Variants in PPP6R3 observed in about 807,000 individuals in gnomAD.
PPP6R3 encodes the protein protein phosphatase 6 regulatory subunit 3.
A neutral mutation model predicts 110.7 loss-of-function variants in PPP6R3; 38 were observed. That is an observed-to-expected ratio of 0.34 (90% CI 0.26 to 0.45). The LOEUF is 0.45. Among genes scored for constraint, PPP6R3 ranks in the 20% least tolerant of loss-of-function variants. PPP6R3 has a pLI of 1.00. For missense variants in PPP6R3, 870 were observed against 1,062.4 expected (o/e 0.82, Z 2.52); for synonymous variants, 369 against 373.5 (o/e 0.99, Z 0.14).
intron 14 of PPP6R3, among the ~76,000 whole-genome samples, chr11:68,581,275 A>G (rs2099553364): frequency 6.6e-6 from 1 of 152,244 alleles, no homozygotes; most frequent in African/African-American, 2.4e-5. Context: ...TTTAAGTAGA[A>G]CATGCGAAGG....
At chr11:68,466,437 T>C (rs866350951) in intron 1 of PPP6R3, among the ~76,000 whole-genome samples, 42 of 148,004 alleles carry the variant, frequency 2.8e-4, no homozygotes, top group East Asian at 1.2e-3. Flanking sequence ...CATTTTCTTT[T>C]TTTTTTTTTT....
At chr11:68,504,513 G>A (rs2099064967) in intron 1 of PPP6R3, among the ~76,000 whole-genome samples, 1 of 152,110 alleles carries the variant, frequency 6.6e-6, no homozygotes, top group African/African-American at 2.4e-5. Flanking sequence ...CATAGGAAAG[G>A]ATATCTTACA....
At chr11:68,541,831 G>C (rs746209853) in intron 3 of PPP6R3, among the ~76,000 whole-genome samples, 60 of 152,062 alleles carry the variant, frequency 3.9e-4, no homozygotes, top group Admixed American at 2.2e-3. Context: ...CAGGAAGGAG[G>C]GGGGACAGTG....
intron 7 of PPP6R3, among the ~76,000 whole-genome samples, chr11:68,557,124 A>G (rs913814888): frequency 2.0e-5 from 3 of 152,248 alleles, no homozygotes; most frequent in African/African-American, 7.2e-5. Context: ...AAAGAAAAAC[A>G]TATTTATTTT....
chr11:68,519,481 CTT>C lies in PPP6R3; in HGVS notation c.-157-11_-157-10del. The C allele has an allele frequency of 5.7e-6, 2 of 348,566 alleles. No homozygotes were observed. The highest frequency in any genetic ancestry group is 5.1e-6 in the Non-Finnish European group (1 of 194,820). The allele number at this position is 348,566 out of a possible 1,614,324, so 21.6% of individuals were successfully genotyped here. On this transcript the variant is annotated intron_variant, in intron 1 of 23. Coordinates refer to ENST00000393800, the MANE Select transcript of PPP6R3 (RefSeq NM_001164161.2). ...AAAAGAGAACATATGTGATTATCTG[CTT>C]TTTTTTTTCTTTTACAGGAGAGCTT...
intron 1 of PPP6R3, among the ~76,000 whole-genome samples, chr11:68,491,538 A>T (rs2098984307): frequency 6.6e-6 from 1 of 151,786 alleles, no homozygotes; most frequent in Admixed American, 6.6e-5. Flanking sequence ...TTTTGTAGAG[A>T]TGGGTGTTGC....
chr11:68,576,243 G>T (rs1040082965), intron 14 of PPP6R3, among the ~76,000 whole-genome samples, 200 bp downstream of exon 14: 1 of 152,144 alleles, frequency 6.6e-6, no homozygotes, highest in African/African-American at 2.4e-5. Flanking sequence ...ACCTGCCTGG[G>T]ATGACAGAAG....
chr11:68,591,035 G>C (rs2099593654), intron 17 of PPP6R3, among the ~76,000 whole-genome samples: 2 of 152,102 alleles, frequency 1.3e-5, no homozygotes, highest in Admixed American at 6.5e-5. Flanking sequence ...AGAGAAATGT[G>C]GACTGGGTCA....
intron 1 of PPP6R3, among the ~76,000 whole-genome samples, chr11:68,513,010 T>C (rs2099118262): frequency 6.6e-6 from 1 of 152,164 alleles, no homozygotes; most frequent in African/African-American, 2.4e-5. Context: ...TCTGCTGCCT[T>C]GGATGTGAGA....
intron 16 of PPP6R3, among the ~76,000 whole-genome samples, chr11:68,588,994 G>A (rs2099587483): frequency 6.6e-6 from 1 of 151,930 alleles, no homozygotes; most frequent in South Asian, 2.1e-4. Context: ...ATCACTTGAG[G>A]TTAGGGGTTC....
chr11:68,548,559 A>G (rs78161198), intron 5 of PPP6R3, among the ~76,000 whole-genome samples: 1,670 of 152,208 alleles, frequency 0.011, 32 homozygotes, highest in African/African-American at 0.038. Flanking sequence ...TGGGAGCTCT[A>G]AGTCCCATTT....
chr11:68,611,798 G>A (rs774343724), intron 23 of PPP6R3, among the ~76,000 whole-genome samples: 1 of 152,174 alleles, frequency 6.6e-6, no homozygotes, highest in African/African-American at 2.4e-5. Context: ...TAGATTGCAC[G>A]TGTTCTAAAG....
At chr11:68,596,905 T>G (rs2099615378) in intron 19 of PPP6R3, among the ~76,000 whole-genome samples, 2 of 151,898 alleles carry the variant, frequency 1.3e-5, no homozygotes, top group South Asian at 4.2e-4. Context: ...CCAGCTAGGG[T>G]GGACCTTGTG....
rs925590433 is a variant in PPP6R3 at position 68,529,508 on chromosome 11, C to T, written c.-6-8151C>T. Among the ~76,000 whole-genome samples the T allele has an allele frequency of 2.6e-5, 4 of 152,290 alleles. No individual in the cohort carries two copies. The East Asian group carries it at 5.8e-4, about 22-fold the overall frequency. On this transcript the variant is annotated intron_variant, in intron 2 of 23. Coordinates refer to ENST00000393800, the MANE Select transcript of PPP6R3 (RefSeq NM_001164161.2). The stretch of plus-strand genomic sequence containing the variant: ...CTGGGATTACAGGTGTGAGCCACCG[C>T]GCCCAGCCGGCATGCATCTGTTTTT...
At chr11:68,581,758 C>T (rs1750258893) in intron 14 of PPP6R3, among the ~76,000 whole-genome samples, 1 of 152,240 alleles carries the variant, frequency 6.6e-6, no homozygotes, top group African/African-American at 2.4e-5. Flanking sequence ...TAAAGCCACT[C>T]TTGACTCAAG....
rs947515162 is a variant in PPP6R3 at position 68,588,806 on chromosome 11, G to A, written c.1730+782G>A. Among the ~76,000 whole-genome samples, 12 of 151,640 alleles carry A rather than the reference G, an allele frequency of 7.9e-5. 1 individual carries two copies. The highest frequency in any genetic ancestry group is 7.2e-4 in the Admixed American group (11 of 15,248). ...CAAGGAAAGAAGCATTCACCTATAG[G>A]GTTTGACCTCTTTCACAGAAGCCTA... On this transcript the variant is annotated intron_variant, in intron 16 of 23. Coordinates refer to ENST00000393800, the MANE Select transcript of PPP6R3 (RefSeq NM_001164161.2).
chr11:68,595,460 C>T (rs1334420966), intron 18 of PPP6R3, among the ~76,000 whole-genome samples: 1 of 152,052 alleles, frequency 6.6e-6, no homozygotes, highest in African/African-American at 2.4e-5. Context: ...AGGTGGTCTG[C>T]CCGCCTCAGC....
At chr11:68,463,872 C>G (rs1320721654) in intron 1 of PPP6R3, among the ~76,000 whole-genome samples, 1 of 152,126 alleles carries the variant, frequency 6.6e-6, no homozygotes, top group Non-Finnish European at 1.5e-5. Flanking sequence ...TTGCTTGTTA[C>G]ACCTCTGGGA....
At chr11:68,586,166 C>T (rs1593627453) in intron 15 of PPP6R3, 1 of 152,064 alleles carries the variant, frequency 6.6e-6, no homozygotes, top group Non-Finnish European at 1.5e-5. Context: ...TTTTCCCTCA[C>T]GTGACCACAT....
Sources: allele counts gnomAD v4.1 joint callset (sites outside exome capture counted in the v4.1 genomes callset), GRCh38; gene constraint gnomAD v4.1.1; transcripts MANE v1.5; gene names NCBI Gene and HGNC (gene_info 2026-07-23, HGNC 2026-07-21).